The following ZNF827 variants were observed in gnomAD, a reference collection of about 807,000 sequenced individuals.
The protein encoded by ZNF827 is zinc finger protein 827.
ZNF827 carries 13 observed loss-of-function variants against 102.4 expected under a neutral mutation model. That is an observed-to-expected ratio of 0.13 (90% CI 0.08 to 0.20). ZNF827 has a LOEUF of 0.20. Ranked by LOEUF, ZNF827 falls within the 10% of genes least tolerant of loss-of-function variation. The pLI is 1.00. For missense variants in ZNF827, 1,103 were observed against 1,344.4 expected (o/e 0.82, Z 2.81); for synonymous variants, 523 against 536.2 (o/e 0.98, Z 0.34).
intron 5 of ZNF827, among the ~76,000 whole-genome samples, chr4:145,869,865 TATAA>T (rs1748529412): frequency 1.3e-5 from 2 of 152,278 alleles, no homozygotes; most frequent in South Asian, 4.2e-4. Context: ...AAGAGTGTAG[TATAA>T]ATACACACAA....
intron 1 of ZNF827, among the ~76,000 whole-genome samples, chr4:145,936,938 C>T (rs990912681): frequency 2.6e-5 from 4 of 151,878 alleles, no homozygotes; most frequent in African/African-American, 7.3e-5. Flanking sequence ...GAGAAATTGA[C>T]CCTCCGTCTC....
intron 4 of ZNF827, among the ~76,000 whole-genome samples, chr4:145,880,148 TAGCTTGAAC>T (rs1749541352): frequency 6.6e-6 from 1 of 152,140 alleles, no homozygotes; most frequent in African/African-American, 2.4e-5. Context: ...GGCAGGAGAA[TAGCTTGAAC>T]CCGGGAGGCG....
At chr4:145,938,072 A>G (rs1179267779) in intron 1 of ZNF827, among the ~76,000 whole-genome samples, 6 of 117,578 alleles carry the variant, frequency 5.1e-5, no homozygotes, top group Admixed American at 8.8e-5. Context: ...CAGAGTGAGG[A>G]GGGGGAAGGG....
rs374494448 is a variant in ZNF827 at position 145,885,763 on chromosome 4, G to C, written c.1662C>G (p.Ser554=). The C allele has an allele frequency of 8.7e-6, 14 of 1,606,486 alleles. No individual in the cohort carries two copies. The African/African-American group carries it at 1.6e-4, about 18-fold the overall frequency. ...CTGACGCACTGTTGGCCACATACTC[G>C]GAGGGGTCTTTCAGCTTTGTGTGGT... ...PANHTKLKDP[S]EYVANSASAL... The change falls in exon 4 of 15, where the codon TCC becomes TCG. Residue 554 remains serine, a synonymous_variant. Transcript: ENST00000508784.
intron 1 of ZNF827, among the ~76,000 whole-genome samples, chr4:145,927,079 C>T (rs1309290317): frequency 6.6e-6 from 1 of 152,146 alleles, no homozygotes; most frequent in Admixed American, 6.5e-5. Flanking sequence ...ATTTCAGTAA[C>T]GTTTCCTGGA....
At chr4:145,773,339 T>G (rs1238014671) in intron 11 of ZNF827, among the ~76,000 whole-genome samples, 1 of 152,162 alleles carries the variant, frequency 6.6e-6, no homozygotes, top group East Asian at 1.9e-4. Context: ...CTGCTCAATT[T>G]ACTGACAAAA....
chr4:145,848,621 T>C (rs1223324273), intron 6 of ZNF827, among the ~76,000 whole-genome samples: 2 of 151,772 alleles, frequency 1.3e-5, no homozygotes, highest in African/African-American at 4.8e-5. Flanking sequence ...ACCTCAATCA[T>C]GTGCAAAAAA....
At chr4:145,803,843 C>A (rs1741154308) in intron 8 of ZNF827, among the ~76,000 whole-genome samples, 1 of 152,154 alleles carries the variant, frequency 6.6e-6, no homozygotes, top group Non-Finnish European at 1.5e-5. Context: ...GCTAACCACA[C>A]CAGATCCTCC....
chr4:145,801,325 A>G (rs1004284871), intron 8 of ZNF827, among the ~76,000 whole-genome samples: 5 of 152,208 alleles, frequency 3.3e-5, no homozygotes, highest in African/African-American at 1.2e-4. Flanking sequence ...GATATTATAT[A>G]TGTATAATAA....
At chr4:145,926,033 T>C (rs1753394529) in intron 1 of ZNF827, among the ~76,000 whole-genome samples, 2 of 152,246 alleles carry the variant, frequency 1.3e-5, no homozygotes, top group South Asian at 4.1e-4. Flanking sequence ...AAAATACTTT[T>C]CAAGCTGAAT....
intron 7 of ZNF827, among the ~76,000 whole-genome samples, chr4:145,833,788 GTGCCCCAATCCCTTATTTCCA>G (rs1264025610): frequency 6.8e-6 from 1 of 147,614 alleles, no homozygotes; most frequent in Non-Finnish European, 1.5e-5. Flanking sequence ...TTTTATCTCT[GTGCCCCAATCCCTTATTTCCA>G]TGCCCCGACC....
chr4:145,923,710 A>C (rs1753235006), intron 1 of ZNF827, among the ~76,000 whole-genome samples: 1 of 152,222 alleles, frequency 6.6e-6, no homozygotes, highest in African/African-American at 2.4e-5. Flanking sequence ...CTTCTCACTA[A>C]ATCTCTTTTG....
chr4:145,883,723 A>AC lies in ZNF827; in HGVS notation c.1747+1954dup, dbSNP rs1040085360. 9.9e-5 allele frequency among the ~76,000 whole-genome samples: 15 copies of AC among 151,972 alleles called. No individual in the cohort carries two copies. In the South Asian group the frequency reaches 2.3e-3, roughly 23 times the overall value. The stretch of plus-strand genomic sequence containing the variant: ...AGTAACACCTTATTCAGAGTCATTC[A>AC]CCCCCACTCGGATTGCCCCTGTCTG... On this transcript the variant is annotated intron_variant, in intron 4 of 14. Coordinates refer to ENST00000508784, the MANE Select transcript of ZNF827 (RefSeq NM_001306215.2).
chr4:145,862,296 G>A (rs1747803536), intron 5 of ZNF827, among the ~76,000 whole-genome samples: 1 of 152,176 alleles, frequency 6.6e-6, no homozygotes, highest in African/African-American at 2.4e-5. Context: ...AAATGGTCAG[G>A]TTAACAATAC....
Position 145,768,320 on chromosome 4 carries a change from A to C in ZNF827, c.2861-2582T>G, listed in dbSNP as rs948648559. Among the ~76,000 whole-genome samples, 40 of 152,052 alleles carry C rather than the reference A, an allele frequency of 2.6e-4. 1 individual carries two copies. Among genetic ancestry groups the C allele is most frequent in the African/African-American group, 9.4e-4 (39 of 41,378 alleles). ...GCTGGGATTACAGGTGTGTGCCATC[A>C]TGCCTGGCTAATTTTTGTATTTTCA... On this transcript the variant is annotated intron_variant, in intron 11 of 14. Coordinates refer to ENST00000508784, the MANE Select transcript of ZNF827 (RefSeq NM_001306215.2).
rs765453634 is a variant in ZNF827 at position 145,849,464 on chromosome 4, A to G, written c.2079T>C (p.Asn693=). 6.2e-7 allele frequency: 1 copy of G among 1,614,214 alleles called. No individual in the cohort carries two copies. Among genetic ancestry groups the G allele is most frequent in the Non-Finnish European group, 8.5e-7 (1 of 1,180,030 alleles). The change falls in exon 6 of 15, where the codon AAT becomes AAC. Residue 693 remains asparagine, a synonymous_variant. Coordinates refer to ENST00000508784, the MANE Select transcript of ZNF827 (RefSeq NM_001306215.2). The part of the protein sequence containing the change: ...DSHVSISPSR[N]VGYSTLIGRE... Reference sequence around the variant, plus strand: ...GCCCGATTAAAGTGCTGTAGCCAACATTCCGGCTGGGTGATATCGAGACAT... The same window carrying G: ...GCCCGATTAAAGTGCTGTAGCCAACGTTCCGGCTGGGTGATATCGAGACAT...
intron 1 of ZNF827, among the ~76,000 whole-genome samples, chr4:145,928,771 T>C (rs913730213): frequency 6.6e-6 from 1 of 152,146 alleles, no homozygotes; most frequent in Non-Finnish European, 1.5e-5. Flanking sequence ...GATCAAAGAA[T>C]GCTGGGGAAT....
At chr4:145,895,676 TATTC>T (rs1445604711) in intron 2 of ZNF827, among the ~76,000 whole-genome samples, 1 of 152,236 alleles carries the variant, frequency 6.6e-6, no homozygotes, top group Non-Finnish European at 1.5e-5. Flanking sequence ...CATTTTTATT[TATTC>T]AAGAAAGAAA....
intron 4 of ZNF827, among the ~76,000 whole-genome samples, chr4:145,882,093 G>A (rs1280596987): frequency 1.3e-5 from 2 of 152,204 alleles, no homozygotes; most frequent in African/African-American, 4.8e-5. Context: ...TGCTGGCTAT[G>A]GGTGACAAGG....
Sources: gnomAD v4.1 joint callset for allele counts (sites outside exome capture counted in the v4.1 genomes callset) on GRCh38, gnomAD v4.1.1 for gene constraint, MANE v1.5 for transcripts, NCBI Gene and HGNC (gene_info 2026-07-23, HGNC 2026-07-21) for gene names.